EIF2AK1: variants seen among roughly 807,000 people sequenced by gnomAD.
The protein encoded by EIF2AK1 is eukaryotic translation initiation factor 2 alpha kinase 1, also known as eukaryotic translation initiation factor 2-alpha kinase 1.
A neutral mutation model predicts 77.9 loss-of-function variants in EIF2AK1; 54 were observed. The observed-to-expected ratio is 0.69, with a 90% CI of 0.56 to 0.87. The LOEUF (loss-of-function observed/expected upper bound fraction) is 0.87, where lower values mean the gene tolerates loss of function less well. EIF2AK1 is among the 40% of genes least tolerant of loss of function. The pLI is 0.00. For synonymous variants in EIF2AK1, 314 were observed against 290.5 expected, an observed-to-expected ratio of 1.08 and a Z score of -0.82; for missense variants, 810 against 768.6, an observed-to-expected ratio of 1.05 and a Z score of -0.64.
intron 9 of EIF2AK1, among the ~76,000 whole-genome samples, chr7:6,039,949 C>T (rs545247829): frequency 2.6e-5 from 4 of 152,108 alleles, no homozygotes; most frequent in African/African-American, 9.6e-5. Flanking sequence ...AGAAAAAAAA[C>T]ACAGGCTCAG....
At chr7:6,049,863 A>T (rs776571451) in intron 3 of EIF2AK1, 49 bp downstream of exon 3, 1 of 1,515,130 alleles carries the variant, frequency 6.6e-7, no homozygotes, top group Non-Finnish European at 9.0e-7. Flanking sequence ...ATTATCTTAA[A>T]ATTAAAGTAT....
At chr7:6,058,299 C>T (rs1032948490) in intron 1 of EIF2AK1, 2 of 376,078 alleles carry the variant, frequency 5.3e-6, no homozygotes, top group African/African-American at 4.3e-5. Flanking sequence ...CACCTGTGGT[C>T]CCAGCTACTC....
chr7:6,055,868 A>G (rs1788741073), intron 1 of EIF2AK1, among the ~76,000 whole-genome samples: 2 of 150,026 alleles, frequency 1.3e-5, no homozygotes, highest in Admixed American at 1.3e-4. Flanking sequence ...AATCAATCCT[A>G]GCCACTCAGG....
At chr7:6,058,825 GCGCGGCTGGGCCGC>G in intron 1 of EIF2AK1, 127 bp downstream of exon 1, 1 of 660,462 alleles carries the variant, frequency 1.5e-6, no homozygotes, top group South Asian at 2.3e-5. Context: ...CCCTCGCACT[GCGCGGCTGGGCCGC>G]CGGTTCAACC....
Position 6,032,450 on chromosome 7 carries a change from C to A in EIF2AK1, c.1333-3418G>T, listed in dbSNP as rs1360051747. Among the ~76,000 whole-genome samples, 1 of 152,184 alleles carries A rather than the reference C, an allele frequency of 6.6e-6. No homozygotes were observed. Among genetic ancestry groups the A allele is most frequent in the African/African-American group, 2.4e-5 (1 of 41,446 alleles). On this transcript the variant is annotated intron_variant, in intron 11 of 14. Coordinates refer to ENST00000199389, the MANE Select transcript of EIF2AK1 (RefSeq NM_014413.4). The surrounding 1 kb of genome is among the most constrained non-coding windows in gnomAD (Gnocchi z 4.3). ...GATTCAGGTTTTACTGCTGATAATA[C>A]GACTTTGGCAACGACACAGCACCTA...
In EIF2AK1 at chr7:6,027,712, C is replaced by A. The variant is rs1787789214; in HGVS notation, c.1531-751G>T. Among the ~76,000 whole-genome samples, 1 of 151,994 alleles carries A rather than the reference C, an allele frequency of 6.6e-6. No individual in the cohort carries two copies. Among genetic ancestry groups the A allele is most frequent in the Non-Finnish European group, 1.5e-5 (1 of 68,014 alleles). ...AATGAGAAGAAAGGCTGAAAACAGG[C>A]TTCCATGAATTCTAGCTTCCTGAGG... On this transcript the variant is annotated intron_variant, in intron 13 of 14. Coordinates refer to ENST00000199389, the MANE Select transcript of EIF2AK1 (RefSeq NM_014413.4). This position sits in a 1 kb window ranked among gnomAD's most constrained non-coding sequence, Gnocchi z 4.5.
Position 6,036,108 on chromosome 7 carries a change from G to T in EIF2AK1, c.1332+1316C>A, listed in dbSNP as rs747991680. ...CCTTCAGCGCAGTTGCAATGTAAGA[G>T]ATACGGCACTTCTGGCCAGGCTACT... is the stretch of plus-strand genomic sequence containing the variant. On this transcript the variant is annotated intron_variant, in intron 11 of 14. Coordinates refer to ENST00000199389, the MANE Select transcript of EIF2AK1 (RefSeq NM_014413.4). This position sits in a 1 kb window ranked among gnomAD's most constrained non-coding sequence, Gnocchi z 4.6. 1.5e-5 allele frequency: 23 copies of T among 1,550,680 alleles called. No homozygotes were observed. The highest frequency in any genetic ancestry group is 2.6e-6 in the Non-Finnish European group (3 of 1,147,088).
chr7:6,034,081 G>A (rs1462273258), intron 11 of EIF2AK1, among the ~76,000 whole-genome samples: 1 of 151,658 alleles, frequency 6.6e-6, no homozygotes, highest in Non-Finnish European at 1.5e-5. Context: ...ACCATGGGAG[G>A]CTGAGGTGGG....
Position 6,023,754 on chromosome 7 carries a change from C to T in EIF2AK1, c.*919G>A. 3.1e-6 allele frequency: 5 copies of T among 1,611,790 alleles called. No homozygotes were observed. Among genetic ancestry groups the T allele is most frequent in the Non-Finnish European group, 4.2e-6 (5 of 1,178,636 alleles). The stretch of plus-strand genomic sequence containing the variant: ...AATGGTGCTCTTTCATGCCTATTAT[C>T]AGTAAGGGGACTTGTATTAGAGTCA... On this transcript the variant is annotated 3_prime_UTR_variant, in exon 15 of 15. Coordinates refer to ENST00000199389, the MANE Select transcript of EIF2AK1 (RefSeq NM_014413.4).
chr7:6,023,379 G>A lies in EIF2AK1; in HGVS notation c.*1294C>T. On this transcript the variant is annotated 3_prime_UTR_variant, in exon 15 of 15. Transcript: ENST00000199389. ...GCGAAGGGAACATTGCACGTTTCTT[G>A]TTCTCTCTGTTTGGCCAGAAGCATA... The A allele has an allele frequency of 6.2e-7, 1 of 1,614,102 alleles. No homozygotes were observed. Among genetic ancestry groups the A allele is most frequent in the Non-Finnish European group, 8.5e-7 (1 of 1,180,008 alleles).
chr7:6,029,032 G>C lies in EIF2AK1; in HGVS notation c.1333C>G (p.Pro445Ala). The C allele has an allele frequency of 1.2e-6, 2 of 1,605,296 alleles. No individual in the cohort carries two copies. Among genetic ancestry groups the C allele is most frequent in the Non-Finnish European group, 1.7e-6 (2 of 1,176,330 alleles). ...GGGCCATGAAGAAAAATATTTCTTGGCTATCAACAAACAAAACAAGTCAAC... is the reference window on the plus strand; with the variant it reads ...GGGCCATGAAGAAAAATATTTCTTGCCTATCAACAAACAAAACAAGTCAAC... ...NMGIVHRDLK[P>A]RNIFLHGPDQ... is the part of the protein sequence containing the mutation. The change falls in exon 12 of 15, where the codon CCA (proline) becomes GCA (alanine). Residue 445 changes from proline (P) to alanine (A), a missense_variant and splice_region_variant. Around this residue, in one of 3 missense-constraint regions of EIF2AK1, gnomAD observed 549 missense variants for 533.7 expected, o/e 1.03. Coordinates refer to ENST00000199389, the MANE Select transcript of EIF2AK1 (RefSeq NM_014413.4).
rs1043069281 is a variant in EIF2AK1, at chr7:6,034,975, C to T, written c.1332+2449G>A. Among the ~76,000 whole-genome samples, 5 of 152,212 alleles carry T rather than the reference C, an allele frequency of 3.3e-5. No homozygotes were observed. In the East Asian group the frequency reaches 5.8e-4, roughly 18 times the overall value. On this transcript the variant is annotated intron_variant, in intron 11 of 14. Transcript: ENST00000199389. Reference sequence around the variant, plus strand: ...GAGTCAACGGGAGTTCGGGCCTTCACGGCTCACTTCTGTGGCAATAACAGA... The same window carrying T: ...GAGTCAACGGGAGTTCGGGCCTTCATGGCTCACTTCTGTGGCAATAACAGA...
intron 2 of EIF2AK1, among the ~76,000 whole-genome samples, chr7:6,050,996 AAG>A (rs1428575497): frequency 1.3e-5 from 2 of 152,184 alleles, no homozygotes; most frequent in Non-Finnish European, 2.9e-5. Flanking sequence ...AAACAAAAAA[AAG>A]AGTAAACAAA....
In EIF2AK1 at chr7:6,033,613, CAG is replaced by C. The variant is rs1283314939; in HGVS notation, c.1332+3809_1332+3810del. Among the ~76,000 whole-genome samples the C allele has an allele frequency of 3.3e-5, 5 of 151,566 alleles. No individual in the cohort carries two copies. The highest frequency in any genetic ancestry group is 7.4e-5 in the Non-Finnish European group (5 of 67,792). ...TATTTTTGGTTTTTGTTTTTTGAGACAGAGTCTCGCTCTGTCGCCCAGGCTGG... is the reference window on the plus strand; with the variant it reads ...TATTTTTGGTTTTTGTTTTTTGAGACAGTCTCGCTCTGTCGCCCAGGCTGG... On this transcript the variant is annotated intron_variant, in intron 11 of 14. Coordinates refer to ENST00000199389, the MANE Select transcript of EIF2AK1 (RefSeq NM_014413.4). This position sits in a 1 kb window ranked among gnomAD's most constrained non-coding sequence, Gnocchi z 4.4.
intron 11 of EIF2AK1, 86 bp from the exon 12 acceptor site, chr7:6,029,118 C>A: frequency 9.1e-7 from 1 of 1,094,854 alleles, no homozygotes. Context: ...GTTTGGAACT[C>A]AGGAGCAAGC....
intron 11 of EIF2AK1, among the ~76,000 whole-genome samples, chr7:6,034,504 T>C (rs893156971): frequency 1.3e-5 from 2 of 152,056 alleles, no homozygotes; most frequent in African/African-American, 2.4e-5. Flanking sequence ...CCCTGCATAC[T>C]GCATGCACTA....
intron 1 of EIF2AK1, among the ~76,000 whole-genome samples, chr7:6,056,598 GAAA>G (rs1181376161): frequency 4.1e-5 from 2 of 48,828 alleles, no homozygotes; most frequent in African/African-American, 1.5e-4. Context: ...CATCTCAAGG[GAAA>G]AAAAAAAAAA....
In EIF2AK1 at chr7:6,036,101, T is replaced by C. The variant is rs1179778525; in HGVS notation, c.1332+1323A>G. ...ATATGTACCTTCAGCGCAGTTGCAA[T>C]GTAAGAGATACGGCACTTCTGGCCA... On this transcript the variant is annotated intron_variant, in intron 11 of 14. Coordinates refer to ENST00000199389, the MANE Select transcript of EIF2AK1 (RefSeq NM_014413.4). The surrounding 1 kb of genome is among the most constrained non-coding windows in gnomAD (Gnocchi z 4.6). 3 of 1,550,928 alleles carry C rather than the reference T, an allele frequency of 1.9e-6. No individual in the cohort carries two copies. Among genetic ancestry groups the C allele is most frequent in the East Asian group, 2.4e-5 (1 of 40,904 alleles).
At position 6,023,559 on chromosome 7, in the gene EIF2AK1, A is replaced by C; in HGVS notation, c.*1114T>G. ...TCGCTGGGAATGAACTCACCGTAGC[A>C]GACGTGGTGCTGTGGTCTGTACTCC... On this transcript the variant is annotated 3_prime_UTR_variant, in exon 15 of 15. Coordinates refer to ENST00000199389, the MANE Select transcript of EIF2AK1 (RefSeq NM_014413.4). 6.2e-7 allele frequency: 1 copy of C among 1,614,238 alleles called. No homozygotes were observed. The highest frequency in any genetic ancestry group is 8.5e-7 in the Non-Finnish European group (1 of 1,180,038).
Sources: allele counts gnomAD v4.1 joint callset (sites outside exome capture counted in the v4.1 genomes callset), GRCh38; gene constraint gnomAD v4.1.1; regional missense constraint gnomAD v4.1.1; non-coding constraint Gnocchi (gnomAD v3.1); transcripts MANE v1.5; gene names NCBI Gene and HGNC (gene_info 2026-07-23, HGNC 2026-07-21).